Variants in FRYL observed in about 807,000 individuals in gnomAD.
The protein encoded by FRYL is FRY like transcription coactivator.
FRYL carries 150 observed loss-of-function variants against 351.2 expected under a neutral mutation model. The observed-to-expected ratio is 0.43, with a 90% CI of 0.37 to 0.49. The LOEUF is 0.49. FRYL is among the 20% of genes least tolerant of loss of function. FRYL has a pLI of 0.00. For synonymous variants in FRYL, 1,153 were observed against 1,257.1 expected (o/e 0.92, Z 1.75); for missense variants, 3,036 against 3,619.3 (o/e 0.84, Z 4.13).
chr4:48,501,322 C>T (rs1408509531), intron 62 of FRYL, among the ~76,000 whole-genome samples: 1 of 152,114 alleles, frequency 6.6e-6, no homozygotes, highest in African/African-American at 2.4e-5. Context: ...TCTCGAGTAA[C>T]TAGGACTATA....
At chr4:48,603,662 G>A (rs1419624763) in intron 11 of FRYL, among the ~76,000 whole-genome samples, 1 of 151,994 alleles carries the variant, frequency 6.6e-6, no homozygotes, top group African/African-American at 2.4e-5. Context: ...CACTCAAAAG[G>A]GGCCCCTATG....
intron 35 of FRYL, among the ~76,000 whole-genome samples, chr4:48,556,420 C>T (rs1038428111): frequency 3.3e-5 from 5 of 152,322 alleles, no homozygotes; most frequent in Middle Eastern, 3.4e-3. Context: ...TTATCTTCTT[C>T]GTTTCATATC....
intron 54 of FRYL, among the ~76,000 whole-genome samples, chr4:48,521,536 G>A (rs901998441): frequency 3.9e-5 from 6 of 152,220 alleles, no homozygotes; most frequent in African/African-American, 9.6e-5. Flanking sequence ...CATGGAGGAC[G>A]AAGATTTATG....
At chr4:48,760,721 G>C (rs1056733408) in intron 1 of FRYL, among the ~76,000 whole-genome samples, 2 of 152,126 alleles carry the variant, frequency 1.3e-5, no homozygotes, top group African/African-American at 2.4e-5. Flanking sequence ...CTGTCGCCCA[G>C]GCTGGAGTGC....
In FRYL at chr4:48,707,701, T is replaced by C. The variant is rs1322896305; in HGVS notation, c.-204+2818A>G. Among the ~76,000 whole-genome samples, 4 of 152,166 alleles carry C rather than the reference T, an allele frequency of 2.6e-5. No individual in the cohort carries two copies. In the East Asian group the frequency reaches 7.7e-4, roughly 29 times the overall value. On this transcript the variant is annotated intron_variant, in intron 2 of 63. Transcript: ENST00000358350. ...TAATGAGGTCTAAGGCAAGAAGTGATTGAAGTGAGAAGTAAGAGAACTTTG... is the reference window on the plus strand; with the variant it reads ...TAATGAGGTCTAAGGCAAGAAGTGACTGAAGTGAGAAGTAAGAGAACTTTG...
intron 3 of FRYL, among the ~76,000 whole-genome samples, chr4:48,651,500 C>T (rs1417396137): frequency 1.5e-4 from 23 of 152,078 alleles, no homozygotes; most frequent in Admixed American, 1.5e-3. Flanking sequence ...TATCTCTGGA[C>T]TCTCAGTCTG....
At chr4:48,676,547 AT>A (rs60426434) in intron 3 of FRYL, among the ~76,000 whole-genome samples, 9,969 of 135,990 alleles carry the variant, frequency 0.073, 351 homozygotes, top group Non-Finnish European at 0.097. Flanking sequence ...AGGCCCGGCT[AT>A]TTTTTTTTTT....
chr4:48,614,496 C>T (rs950898660), intron 7 of FRYL, among the ~76,000 whole-genome samples: 3 of 152,016 alleles, frequency 2.0e-5, no homozygotes, highest in East Asian at 1.9e-4. Flanking sequence ...CCAAGGCAAG[C>T]GGATCACCTG....
chr4:48,502,099 A>C (rs1450073017), intron 61 of FRYL, among the ~76,000 whole-genome samples: 1 of 152,206 alleles, frequency 6.6e-6, no homozygotes, highest in Non-Finnish European at 1.5e-5. Flanking sequence ...TGAGATGTAG[A>C]TCTCACTGCA....
chr4:48,731,848 C>A (rs953669279), intron 1 of FRYL, among the ~76,000 whole-genome samples: 1 of 152,188 alleles, frequency 6.6e-6, no homozygotes, highest in Non-Finnish European at 1.5e-5. Context: ...AAAACCTGGG[C>A]AATACCATTC....
chr4:48,644,827 A>AT (rs1260480251), intron 3 of FRYL, among the ~76,000 whole-genome samples: 1 of 151,946 alleles, frequency 6.6e-6, no homozygotes, highest in Non-Finnish European at 1.5e-5. Context: ...AAAATTATAT[A>AT]TTTTTTAAAG....
intron 49 of FRYL, 34 bp downstream of exon 49, chr4:48,534,511 A>C (rs1379283835): frequency 6.6e-7 from 1 of 1,525,422 alleles, no homozygotes; most frequent in Admixed American, 1.8e-5. Context: ...TTTTTAGATG[A>C]AAAATGTTAT....
chr4:48,543,667 CTTAA>C (rs1256352565), intron 44 of FRYL, 136 bp downstream of exon 44: 1 of 676,206 alleles, frequency 1.5e-6, no homozygotes, highest in Admixed American at 3.0e-5. Context: ...AACTTTGTCT[CTTAA>C]TTCTTTGCCT....
At chr4:48,554,714 T>A (rs1733699297) in intron 35 of FRYL, among the ~76,000 whole-genome samples, 1 of 152,206 alleles carries the variant, frequency 6.6e-6, no homozygotes, top group Non-Finnish European at 1.5e-5. Context: ...CACTACTTGC[T>A]AATTCTCTCT....
At chr4:48,738,687 T>TA (rs1033992393) in intron 1 of FRYL, among the ~76,000 whole-genome samples, 1 of 148,134 alleles carries the variant, frequency 6.8e-6, no homozygotes, top group African/African-American at 2.5e-5. Context: ...TTTTTTTTGG[T>TA]AGAGACAGGG....
chr4:48,554,270 A>G (rs1733576716), intron 35 of FRYL, among the ~76,000 whole-genome samples: 1 of 152,194 alleles, frequency 6.6e-6, no homozygotes, highest in Admixed American at 6.5e-5. Context: ...TTTTACAGAC[A>G]TATGAAAAGC....
chr4:48,518,268 T>C (rs10805170), intron 55 of FRYL, among the ~76,000 whole-genome samples: 152,052 of 152,300 alleles, frequency 1, 75,903 homozygotes, highest in Middle Eastern at 1. Context: ...CTACTTAAAA[T>C]CCATCTCTAA....
At chr4:48,524,728 A>G (rs893315707) in intron 53 of FRYL, among the ~76,000 whole-genome samples, 1 of 152,210 alleles carries the variant, frequency 6.6e-6, no homozygotes, top group South Asian at 2.1e-4. Flanking sequence ...CTAAGGTTCT[A>G]TTAAAAGCCA....
At chr4:48,684,535 C>T (rs994126484) in intron 3 of FRYL, 138 bp downstream of exon 3, 3 of 152,160 alleles carry the variant, frequency 2.0e-5, no homozygotes, top group East Asian at 3.9e-4. Flanking sequence ...TAGCTGATTA[C>T]CACAACTTTT....
Sources: gnomAD v4.1 joint callset for allele counts (sites outside exome capture counted in the v4.1 genomes callset) on GRCh38, gnomAD v4.1.1 for gene constraint, MANE v1.5 for transcripts, NCBI Gene and HGNC (gene_info 2026-07-23, HGNC 2026-07-21) for gene names.